Variants in TM9SF4 observed in about 807,000 individuals in gnomAD.
TM9SF4 encodes the protein dinucleotide oxidase disulfide thiol exchanger 3 superfamily member 4.
A neutral mutation model predicts 90.4 loss-of-function variants in TM9SF4; 26 were observed. The observed-to-expected ratio is 0.29, with a 90% CI of 0.21 to 0.40. TM9SF4 has a LOEUF of 0.40. TM9SF4 is among the 10% of genes least tolerant of loss of function. The probability of loss-of-function intolerance (pLI) is 1.00; values close to 1 mark genes in which losing one functional copy is unlikely to be tolerated. For missense variants in TM9SF4, 549 were observed against 834.8 expected, an observed-to-expected ratio of 0.66 and a Z score of 4.22; for synonymous variants, 293 against 315.4, an observed-to-expected ratio of 0.93 and a Z score of 0.75.
At chr20:32,126,023 C>T (rs2046414618) in intron 1 of TM9SF4, among the ~76,000 whole-genome samples, 2 of 148,764 alleles carry the variant, frequency 1.3e-5, no homozygotes, top group Non-Finnish European at 3.0e-5. Context: ...GATATTACTG[C>T]GTCTCCAGAG....
chr20:32,150,732 G>A (rs779081449), intron 11 of TM9SF4, 29 bp downstream of exon 11: 14 of 1,614,016 alleles, frequency 8.7e-6, no homozygotes, highest in Admixed American at 3.3e-5. Flanking sequence ...GCTCCCGGGG[G>A]CGGCACAGGC....
chr20:32,156,682 C>A (rs1411202850), intron 13 of TM9SF4, among the ~76,000 whole-genome samples: 1 of 152,184 alleles, frequency 6.6e-6, no homozygotes, highest in Non-Finnish European at 1.5e-5. Flanking sequence ...TCTCAGCTCA[C>A]TGCAACCTCT....
intron 15 of TM9SF4, among the ~76,000 whole-genome samples, chr20:32,158,963 CAGAGAG>C (rs903601168): frequency 2.8e-5 from 4 of 145,308 alleles, no homozygotes; most frequent in Non-Finnish European, 6.0e-5. Context: ...GCCTGGGTGA[CAGAGAG>C]AGACTCCATC....
In TM9SF4 at chr20:32,120,697, G is replaced by C. The variant is rs372187641; in HGVS notation, c.15+10942G>C. ...GTATAGTGTTGAATGGAAATGGCAA[G>C]AGTAGGCATCCTTGCCTTGTTCCTG... On this transcript the variant is annotated intron_variant, in intron 1 of 17. Transcript: ENST00000398022. Among the ~76,000 whole-genome samples, 30 of 152,312 alleles carry C rather than the reference G, an allele frequency of 2.0e-4. 1 individual carries two copies. The highest frequency in any genetic ancestry group is 1.2e-3 in the East Asian group (6 of 5,186).
At chr20:32,163,285 ATATATATATATG>A (rs1158212867) in intron 17 of TM9SF4, among the ~76,000 whole-genome samples, 1,608 of 128,184 alleles carry the variant, frequency 0.013, 25 homozygotes, top group African/African-American at 0.032. Flanking sequence ...ATATATATAT[ATATATATATATG>A]TATGTATGTA....
intron 1 of TM9SF4, among the ~76,000 whole-genome samples, chr20:32,115,806 GCTTTTTT>G (rs2046211204): frequency 9.4e-6 from 1 of 106,306 alleles, no homozygotes; most frequent in African/African-American, 3.7e-5. Flanking sequence ...ACCACTTTAA[GCTTTTTT>G]TTTTTTTTTT....
intron 3 of TM9SF4, chr20:32,136,732 A>G: frequency 2.5e-6 from 1 of 407,530 alleles, no homozygotes. Context: ...TCTCCATTTG[A>G]CAGAATTTCA....
At chr20:32,130,399 C>G (rs1048632615) in intron 1 of TM9SF4, among the ~76,000 whole-genome samples, 3 of 152,016 alleles carry the variant, frequency 2.0e-5, no homozygotes, top group African/African-American at 7.2e-5. Flanking sequence ...GATTTGCCTT[C>G]TTTATATTTT....
chr20:32,121,933 A>C (rs910619665), intron 1 of TM9SF4, among the ~76,000 whole-genome samples: 2 of 107,392 alleles, frequency 1.9e-5, no homozygotes, highest in South Asian at 3.5e-4. Context: ...CGGGGGGCTG[A>C]CCCCCCCCAG....
intron 1 of TM9SF4, among the ~76,000 whole-genome samples, chr20:32,123,963 A>G (rs1467766716): frequency 6.6e-5 from 10 of 151,158 alleles, no homozygotes; most frequent in African/African-American, 2.4e-4. Flanking sequence ...CCTGAACTCA[A>G]GTGATCCTCC....
chr20:32,132,908 C>T, intron 1 of TM9SF4, 105 bp from the exon 2 acceptor site: 3 of 969,920 alleles, frequency 3.1e-6, no homozygotes, highest in Non-Finnish European at 4.7e-6. Flanking sequence ...AGGGTGGCTA[C>T]ACTGGGTCAA....
rs1401033304 is a variant in TM9SF4 at position 32,136,630 on chromosome 20, G to A, written c.229+457G>A. On this transcript the variant is annotated intron_variant, in intron 3 of 17. Coordinates refer to ENST00000398022, the MANE Select transcript of TM9SF4 (RefSeq NM_014742.4). The stretch of plus-strand genomic sequence containing the variant: ...ACCACAGTTCTTGCTGAGCTCTGCA[G>A]GACTCATGTCAAATAATGTGTGAGG... Among the ~76,000 whole-genome samples, 3 of 152,300 alleles carry A rather than the reference G, an allele frequency of 2.0e-5. No individual in the cohort carries two copies. The East Asian group carries it at 5.8e-4, about 29-fold the overall frequency.
chr20:32,149,893 A>G, intron 10 of TM9SF4, 127 bp downstream of exon 10: 7 of 1,350,036 alleles, frequency 5.2e-6, no homozygotes, highest in Non-Finnish European at 6.0e-6. Context: ...TGGGCATGTC[A>G]GTATCTCTGG....
At chr20:32,122,022 C>T (rs1432519635) in intron 1 of TM9SF4, among the ~76,000 whole-genome samples, 11 of 140,408 alleles carry the variant, frequency 7.8e-5, no homozygotes, top group Admixed American at 3.4e-4. Flanking sequence ...GCTGGCCGGG[C>T]GGGGGGCTGA....
At chr20:32,152,533 T>G (rs1170837771) in intron 12 of TM9SF4, among the ~76,000 whole-genome samples, 1 of 151,588 alleles carries the variant, frequency 6.6e-6, no homozygotes, top group Non-Finnish European at 1.5e-5. Context: ...CACCCCCATC[T>G]CTGCATCTTC....
intron 3 of TM9SF4, among the ~76,000 whole-genome samples, chr20:32,138,637 A>G (rs1333962425): frequency 6.6e-6 from 1 of 152,278 alleles, no homozygotes; most frequent in East Asian, 1.9e-4. Context: ...AGCCTGAGCA[A>G]CAGAGCAAGA....
At position 32,149,652 on chromosome 20, in the gene TM9SF4, T is replaced by C; in HGVS notation, c.973T>C (p.Ser325Pro). 2 of 1,613,666 alleles carry C rather than the reference T, an allele frequency of 1.2e-6. No individual in the cohort carries two copies. Among genetic ancestry groups the C allele is most frequent in the Non-Finnish European group, 1.7e-6 (2 of 1,179,946 alleles). The change falls in exon 10 of 18, where the codon TCT becomes CCT. Residue 325 changes from serine to proline, a missense_variant. Physicochemically the swap from Ser to Pro is moderately conservative, Grantham distance 74. Around this residue, in one of 2 missense-constraint regions of TM9SF4, gnomAD observed 495 missense variants for 711.7 expected, o/e 0.70. Coordinates refer to ENST00000398022, the MANE Select transcript of TM9SF4 (RefSeq NM_014742.4). ...GCTGCAGGAAGACACCATGGAGGAG[T>C]CTGGGTGGAAGTTGGTGCACGGCGA... ...EDDIEDTMEE[S>P]GWKLVHGDVF...
At chr20:32,143,565 C>T (rs1167884944) in intron 6 of TM9SF4, among the ~76,000 whole-genome samples, 1 of 152,134 alleles carries the variant, frequency 6.6e-6, no homozygotes, top group Non-Finnish European at 1.5e-5. Flanking sequence ...TAAAATTTGC[C>T]CAGGGTCAAC....
Position 32,145,398 on chromosome 20 carries a change from C to A in TM9SF4, c.858C>A (p.Ser286=). 1 of 1,614,124 alleles carries A rather than the reference C, an allele frequency of 6.2e-7. No homozygotes were observed. Among genetic ancestry groups the A allele is most frequent in the Non-Finnish European group, 8.5e-7 (1 of 1,180,024 alleles). Residue 286 remains serine, a synonymous_variant, in exon 8 of 18, where the codon TCC becomes TCA. Transcript: ENST00000398022. The part of the protein sequence containing the change: ...VQIHWFSIIN[S]VVVVFFLSGI... The stretch of plus-strand genomic sequence containing the variant: ...TCCACTGGTTTTCTATCATTAACTC[C>A]GTTGTTGTGGTCTTCTTCCTGTCAG...
Sources: allele counts gnomAD v4.1 joint callset (sites outside exome capture counted in the v4.1 genomes callset), GRCh38; gene constraint gnomAD v4.1.1; regional missense constraint gnomAD v4.1.1; transcripts MANE v1.5; gene names NCBI Gene and HGNC (gene_info 2026-07-23, HGNC 2026-07-21).